NLRP2: variants seen among roughly 807,000 people sequenced by gnomAD.
The protein encoded by NLRP2 is NACHT, LRR and PYD domains-containing protein 2.
A neutral mutation model predicts 97.2 loss-of-function variants in NLRP2; 107 were observed. That is an observed-to-expected ratio of 1.10 (90% confidence interval 0.94 to 1.29). The LOEUF (loss-of-function observed/expected upper bound fraction) is 1.29. Ranked by LOEUF, NLRP2 falls within the 50% of genes most tolerant of loss-of-function variation. NLRP2 has a pLI of 0.00. For missense variants in NLRP2, 1,495 were observed against 1,330.3 expected, an observed-to-expected ratio of 1.12 and a Z score of -1.93; for synonymous variants, 663 against 551.5, an observed-to-expected ratio of 1.20 and a Z score of -2.83.
Position 54,982,497 on chromosome 19 carries a change from C to T in NLRP2, c.799C>T (p.Pro267Ser). The change falls in exon 6 of 13, where the codon CCT becomes TCT. Residue 267 changes from proline (P) to serine (S), a missense_variant. Transcript: ENST00000448584. Reference protein sequence around the residue: ...SFAELVFRDWPELQDDIPHIL... With the variant: ...SFAELVFRDWSELQDDIPHIL... ...TGCAGAGCTGGTCTTCAGGGACTGG[C>T]CTGAATTGCAGGATGACATTCCACA... The T allele has an allele frequency of 6.2e-7, 1 of 1,614,182 alleles. No individual in the cohort carries two copies.
intron 1 of NLRP2, among the ~76,000 whole-genome samples, chr19:54,969,071 C>T (rs1427087040): frequency 6.6e-6 from 1 of 152,096 alleles, no homozygotes; most frequent in Non-Finnish European, 1.5e-5. Context: ...CCACGTAGCT[C>T]CCCACTTCCT....
chr19:54,973,921 G>C (rs2071032205), intron 2 of NLRP2: 1 of 742,574 alleles, frequency 1.3e-6, no homozygotes, highest in Non-Finnish European at 2.4e-6. Flanking sequence ...CCCAGGGGAA[G>C]TAGTGTTATG....
chr19:54,977,892 TC>T, intron 4 of NLRP2, 69 bp downstream of exon 4: 1 of 1,375,276 alleles, frequency 7.3e-7, no homozygotes, highest in Non-Finnish European at 1.0e-6. Flanking sequence ...TATCTCCTGT[TC>T]CTTTGAAGAA....
At chr19:54,983,801 G>C (rs906324218) in intron 6 of NLRP2, 73 bp downstream of exon 6, 2 of 1,584,904 alleles carry the variant, frequency 1.3e-6, no homozygotes, top group African/African-American at 2.7e-5. Flanking sequence ...AGAGGCCAGA[G>C]CCTCCTATGC....
Position 54,977,813 on chromosome 19 carries a change from A to T in NLRP2, c.387A>T (p.Thr129=), listed in dbSNP as rs990364904. The change falls in exon 4 of 13, where the codon ACA becomes ACT. Residue 129 remains threonine (T), a synonymous_variant. Coordinates refer to ENST00000448584, the MANE Select transcript of NLRP2 (RefSeq NM_017852.5). ...DVDEMLERFK[T]EAQAFTETKG... ...ACGAAATGCTGGAGCGCTTCAAAAC[A>T]GAAGCACAAGGTGGGTGTCAGGACC... 6.2e-7 allele frequency: 1 copy of T among 1,613,778 alleles called. No individual in the cohort carries two copies. Among genetic ancestry groups the T allele is most frequent in the Admixed American group, 1.7e-5 (1 of 59,972 alleles).
chr19:54,974,569 T>A (rs974519659), intron 3 of NLRP2, 25 bp downstream of exon 3: 1 of 1,482,428 alleles, frequency 6.7e-7, no homozygotes, highest in South Asian at 1.1e-5. Context: ...TTATAACTTT[T>A]ATTCTTCATG....
intron 11 of NLRP2, among the ~76,000 whole-genome samples, chr19:54,995,159 A>G (rs1241156600): frequency 2.7e-5 from 4 of 148,128 alleles, no homozygotes; most frequent in Non-Finnish European, 6.0e-5. Flanking sequence ...AAAATATAAA[A>G]ATTAGCCGAG....
intron 6 of NLRP2, among the ~76,000 whole-genome samples, chr19:54,984,649 A>G (rs544071514): frequency 6.6e-6 from 1 of 150,742 alleles, no homozygotes; most frequent in South Asian, 2.1e-4. Flanking sequence ...TGCCCAGCTA[A>G]TTTTTGTACT....
intron 4 of NLRP2, among the ~76,000 whole-genome samples, chr19:54,978,185 A>G (rs527653268): frequency 1.3e-4 from 19 of 151,776 alleles, no homozygotes; most frequent in African/African-American, 4.3e-4. Context: ...CTCCTGACTC[A>G]GCCTCCTGAG....
chr19:54,979,105 C>T (rs2071419366), intron 4 of NLRP2, among the ~76,000 whole-genome samples: 1 of 151,886 alleles, frequency 6.6e-6, no homozygotes, highest in Admixed American at 6.6e-5. Context: ...CTGCCACAGC[C>T]TCCCCAGGTG....
At chr19:54,971,281 T>G (rs2070837649) in intron 2 of NLRP2, among the ~76,000 whole-genome samples, 1 of 149,848 alleles carries the variant, frequency 6.7e-6, no homozygotes, top group South Asian at 2.1e-4. Flanking sequence ...GCAATAAACA[T>G]ACGTGTGCAT....
At chr19:54,993,527 T>TC in intron 10 of NLRP2, 1 of 154,622 alleles carries the variant, frequency 6.5e-6, no homozygotes, top group Non-Finnish European at 1.4e-5. Context: ...GAGTGTGAGC[T>TC]GGTGTCTTCT....
intron 8 of NLRP2, among the ~76,000 whole-genome samples, chr19:54,986,709 C>T (rs1211747821): frequency 1.3e-5 from 2 of 152,120 alleles, no homozygotes; most frequent in Non-Finnish European, 2.9e-5. Flanking sequence ...CGCCACCACG[C>T]CCGGCTAATT....
At chr19:54,990,328 T>A in intron 9 of NLRP2, 136 bp downstream of exon 9, 1 of 1,142,528 alleles carries the variant, frequency 8.8e-7, no homozygotes, top group Admixed American at 1.9e-5. Flanking sequence ...TCCAGGCCGA[T>A]GGCCTGTGAA....
At chr19:54,973,483 C>G (rs1454308663) in intron 2 of NLRP2, among the ~76,000 whole-genome samples, 2 of 150,350 alleles carry the variant, frequency 1.3e-5, no homozygotes, top group African/African-American at 4.9e-5. Context: ...TTAAGTGATT[C>G]TCCTGCCTCA....
intron 4 of NLRP2, 105 bp downstream of exon 4, chr19:54,977,928 T>C: frequency 9.5e-7 from 1 of 1,050,450 alleles, no homozygotes; most frequent in South Asian, 1.3e-5. Flanking sequence ...AATCTTTTCC[T>C]CCACTATTCT....
chr19:54,996,692 A>G (rs73609940), intron 11 of NLRP2, among the ~76,000 whole-genome samples: 14 of 151,564 alleles, frequency 9.2e-5, no homozygotes, highest in African/African-American at 3.2e-4. Context: ...TGGATGTTCT[A>G]TTTTACGTGT....
chr19:54,986,703 A>T (rs1404709694), intron 8 of NLRP2, among the ~76,000 whole-genome samples: 1 of 151,990 alleles, frequency 6.6e-6, no homozygotes, highest in Non-Finnish European at 1.5e-5. Context: ...GGCACCCGCC[A>T]CCACGCCCGG....
At chr19:54,984,329 G>GTGTGTTTTTTTTTTTGTTTTT in intron 6 of NLRP2, among the ~76,000 whole-genome samples, 3 of 79,676 alleles carry the variant, frequency 3.8e-5, no homozygotes, top group Non-Finnish European at 7.5e-5. Context: ...TTTTTTTTGT[G>GTGTGTTTTTTTTTTTGTTTTT]TTTTTTTTTT....
Sources: gnomAD v4.1 joint callset for allele counts (sites outside exome capture counted in the v4.1 genomes callset) on GRCh38, gnomAD v4.1.1 for gene constraint, MANE v1.5 for transcripts, NCBI Gene and HGNC (gene_info 2026-07-23, HGNC 2026-07-21) for gene names.